The following TRIM44 variants were observed in gnomAD, a reference collection of about 807,000 sequenced individuals.
TRIM44 encodes tripartite motif containing 44, also known as tripartite motif-containing protein 44.
A neutral mutation model predicts 37.4 loss-of-function variants in TRIM44; 13 were observed. The ratio of observed to expected loss-of-function variants is 0.35; its 90% confidence interval spans 0.23 to 0.55. TRIM44 has a LOEUF of 0.55. Among genes scored for constraint, TRIM44 ranks in the 20% least tolerant of loss-of-function variants. TRIM44 has a pLI of 0.89. For synonymous variants in TRIM44, 175 were observed against 157.2 expected (o/e 1.11, Z -0.85); for missense variants, 426 against 437.2 (o/e 0.97, Z 0.23).
At chr11:35,697,280 T>C (rs1391175871) in intron 2 of TRIM44, among the ~76,000 whole-genome samples, 1 of 145,892 alleles carries the variant, frequency 6.9e-6, no homozygotes, top group African/African-American at 2.5e-5. Flanking sequence ...GTTCTAATTG[T>C]TGAGTTCCCA....
intron 4 of TRIM44, among the ~76,000 whole-genome samples, chr11:35,799,347 C>G (rs535183465): frequency 1.3e-5 from 2 of 152,246 alleles, no homozygotes; most frequent in South Asian, 4.1e-4. Context: ...TGCTGGAGAC[C>G]CAAGGCTCTC....
At chr11:35,691,044 G>GCC (rs760587615) in intron 2 of TRIM44, among the ~76,000 whole-genome samples, 5 of 152,086 alleles carry the variant, frequency 3.3e-5, no homozygotes, top group African/African-American at 4.8e-5. Flanking sequence ...GGGATCCTGT[G>GCC]CCATAGCACA....
At chr11:35,772,391 A>G (rs1317576789) in intron 4 of TRIM44, among the ~76,000 whole-genome samples, 1 of 152,226 alleles carries the variant, frequency 6.6e-6, no homozygotes, top group Admixed American at 6.5e-5. Context: ...CCAGAATGGT[A>G]GATCACCGAC....
intron 3 of TRIM44, among the ~76,000 whole-genome samples, chr11:35,727,324 T>A (rs1852190026): frequency 6.6e-6 from 1 of 152,198 alleles, no homozygotes; most frequent in African/African-American, 2.4e-5. Context: ...TCTAGGACTG[T>A]TGCTGACTCA....
chr11:35,739,869 C>T (rs753769916), intron 4 of TRIM44, among the ~76,000 whole-genome samples: 1 of 152,088 alleles, frequency 6.6e-6, no homozygotes. Context: ...CTTTGGGAGA[C>T]TGACCCTGAT....
intron 1 of TRIM44, among the ~76,000 whole-genome samples, chr11:35,678,270 A>G (rs1054227133): frequency 1.3e-5 from 2 of 152,152 alleles, no homozygotes; most frequent in Admixed American, 1.3e-4. Flanking sequence ...TGGGAGCGGT[A>G]TTGCTGCTTG....
intron 2 of TRIM44, among the ~76,000 whole-genome samples, chr11:35,694,546 TTTTCA>T (rs1262586815): frequency 6.6e-6 from 1 of 152,090 alleles, no homozygotes; most frequent in Non-Finnish European, 1.5e-5. Context: ...ACAGACCCCC[TTTTCA>T]TTTGTTTTGT....
chr11:35,804,556 A>G (rs1230763318), intron 4 of TRIM44, among the ~76,000 whole-genome samples: 1 of 152,244 alleles, frequency 6.6e-6, no homozygotes, highest in Non-Finnish European at 1.5e-5. Context: ...TATTTGAAAT[A>G]AAACTGACAA....
intron 2 of TRIM44, among the ~76,000 whole-genome samples, chr11:35,717,283 A>C (rs553617742): frequency 4.6e-5 from 7 of 152,342 alleles, no homozygotes; most frequent in African/African-American, 1.7e-4. Flanking sequence ...AAGGGGTGTC[A>C]ATATGCTGAA....
chr11:35,751,667 AAT>A (rs1852561134), intron 4 of TRIM44, among the ~76,000 whole-genome samples: 2 of 152,248 alleles, frequency 1.3e-5, no homozygotes, highest in South Asian at 4.1e-4. Flanking sequence ...AAACAAGTGA[AAT>A]AAGAGTGAAT....
chr11:35,711,341 A>G (rs1435205481), intron 2 of TRIM44, among the ~76,000 whole-genome samples: 2 of 152,072 alleles, frequency 1.3e-5, no homozygotes, highest in African/African-American at 4.8e-5. Context: ...TAAAAACCTG[A>G]TGTTGGCCTC....
chr11:35,693,764 A>G (rs1851664252), intron 2 of TRIM44, among the ~76,000 whole-genome samples: 1 of 152,128 alleles, frequency 6.6e-6, no homozygotes, highest in East Asian at 1.9e-4. Context: ...CAGTCTCAGC[A>G]TGTCATTCAT....
At chr11:35,767,515 T>TCTGTG (rs968608759) in intron 4 of TRIM44, among the ~76,000 whole-genome samples, 5 of 152,144 alleles carry the variant, frequency 3.3e-5, no homozygotes, top group African/African-American at 9.6e-5. Flanking sequence ...CTTTGTCTTT[T>TCTGTG]CTGTGGTTGT....
intron 4 of TRIM44, among the ~76,000 whole-genome samples, chr11:35,793,414 A>T (rs1283503452): frequency 6.6e-6 from 1 of 151,986 alleles, no homozygotes; most frequent in Non-Finnish European, 1.5e-5. Flanking sequence ...AATCCCAGCT[A>T]CTCAGGAGGC....
rs1256300164 is a variant in TRIM44 at position 35,782,891 on chromosome 11, G to A, written c.1008-23467G>A. Among the ~76,000 whole-genome samples the A allele has an allele frequency of 4.6e-5, 7 of 152,192 alleles. No homozygotes were observed. The East Asian group carries it at 1.2e-3, about 25-fold the overall frequency. On this transcript the variant is annotated intron_variant, in intron 4 of 4. Transcript: ENST00000299413. ...ATCTGCCAAATATATAATTTCATTT[G>A]CCTCCTTATAATAAGTTTGTGAGGT...
intron 4 of TRIM44, among the ~76,000 whole-genome samples, chr11:35,781,925 G>T (rs1853070633): frequency 6.6e-6 from 1 of 152,158 alleles, no homozygotes; most frequent in Admixed American, 6.6e-5. Context: ...GAATGATAAG[G>T]CCACATAGGC....
intron 4 of TRIM44, among the ~76,000 whole-genome samples, chr11:35,775,904 T>G (rs1160398841): frequency 6.6e-6 from 1 of 152,218 alleles, no homozygotes; most frequent in African/African-American, 2.4e-5. Flanking sequence ...GCATCGATGT[T>G]CATCAAGGAT....
chr11:35,747,924 G>C lies in TRIM44; in HGVS notation c.1007+12479G>C, dbSNP rs532095383. ...AAATGGGGGGATAATTGTTGCAGGA[G>C]GGAAAACTTAGCAATTACCGGCAAG... On this transcript the variant is annotated intron_variant, in intron 4 of 4. Transcript: ENST00000299413. Among the ~76,000 whole-genome samples, 95 of 152,172 alleles carry C rather than the reference G, an allele frequency of 6.2e-4. 1 individual carries two copies. In the South Asian group the frequency reaches 6.4e-3, roughly 10 times the overall value.
At chr11:35,729,547 G>A (rs1646155056) in intron 3 of TRIM44, among the ~76,000 whole-genome samples, 1 of 152,098 alleles carries the variant, frequency 6.6e-6, no homozygotes, top group African/African-American at 2.4e-5. Flanking sequence ...CACTTCCCCA[G>A]CTGAGTCAGT....
Sources: allele counts gnomAD v4.1 joint callset (sites outside exome capture counted in the v4.1 genomes callset), GRCh38; gene constraint gnomAD v4.1.1; transcripts MANE v1.5; gene names NCBI Gene and HGNC (gene_info 2026-07-23, HGNC 2026-07-21).